SOX5: variants seen among roughly 807,000 people sequenced by gnomAD.
SOX5 encodes the protein SRY-box transcription factor 5.
Under a neutral mutation model 92.0 loss-of-function variants are expected in SOX5, and 9 were observed. The ratio of observed to expected loss-of-function variants is 0.10; its 90% confidence interval spans 0.06 to 0.17. The LOEUF is 0.17. Ranked by LOEUF, SOX5 falls within the 10% of genes least tolerant of loss-of-function variation. SOX5 has a pLI of 1.00. For synonymous variants in SOX5, 344 were observed against 336.3 expected (o/e 1.02, Z -0.25); for missense variants, 642 against 944.5 (o/e 0.68, Z 4.20).
intron 1 of SOX5, among the ~76,000 whole-genome samples, chr12:23,916,878 G>A (rs536828090): frequency 8.0e-4 from 122 of 151,970 alleles, no homozygotes; most frequent in African/African-American, 2.8e-3. Context: ...ATTTCTATCA[G>A]GGCTTTTTAA....
intron 4 of SOX5, among the ~76,000 whole-genome samples, chr12:24,110,878 GC>G (rs1158345231): frequency 3.0e-5 from 4 of 131,898 alleles, no homozygotes; most frequent in Non-Finnish European, 4.6e-5. Flanking sequence ...TCCAGCCTGG[GC>G]GACAGCGCGA....
intron 1 of SOX5, among the ~76,000 whole-genome samples, chr12:24,484,717 G>A (rs1016784602): frequency 1.3e-5 from 2 of 152,102 alleles, no homozygotes; most frequent in East Asian, 3.8e-4. Flanking sequence ...TGAGAAAATC[G>A]TGTCAAAAAC....
At chr12:23,695,118 C>CAAAA (rs11464821) in intron 6 of SOX5, among the ~76,000 whole-genome samples, 131 of 139,572 alleles carry the variant, frequency 9.4e-4, no homozygotes, top group African/African-American at 3.2e-3. Context: ...AACCTTGTCT[C>CAAAA]AAAAAAAAAA....
At chr12:23,665,131 G>A (rs1278524163) in intron 7 of SOX5, among the ~76,000 whole-genome samples, 1 of 152,108 alleles carries the variant, frequency 6.6e-6, no homozygotes, top group Non-Finnish European at 1.5e-5. Context: ...TGTTAAAAAG[G>A]TGGTAAAAAG....
intron 6 of SOX5, among the ~76,000 whole-genome samples, chr12:23,702,735 A>G (rs1379017300): frequency 6.6e-6 from 1 of 151,830 alleles, no homozygotes; most frequent in East Asian, 1.9e-4. Flanking sequence ...GAAATGAACC[A>G]AAAAGAGAAA....
chr12:24,032,896 T>A (rs1955653063), intron 4 of SOX5, among the ~76,000 whole-genome samples: 5 of 152,050 alleles, frequency 3.3e-5, no homozygotes, highest in South Asian at 4.1e-4. Context: ...TATAGCAGGT[T>A]ATATATTTCA....
At chr12:24,066,499 TAAC>T (rs996226516) in intron 4 of SOX5, among the ~76,000 whole-genome samples, 3 of 152,092 alleles carry the variant, frequency 2.0e-5, no homozygotes, top group Non-Finnish European at 2.9e-5. Context: ...CAGACAGAAA[TAAC>T]AATAAAAGAA....
At chr12:23,570,618 AT>A (rs1484558567) in intron 10 of SOX5, among the ~76,000 whole-genome samples, 1 of 151,818 alleles carries the variant, frequency 6.6e-6, no homozygotes, top group Non-Finnish European at 1.5e-5. Flanking sequence ...CTCTAAAAAA[AT>A]ACAAAAATTG....
In SOX5 at chr12:23,600,910, A is replaced by G. The variant is rs560574536; in HGVS notation, c.1164+3477T>C. On this transcript the variant is annotated intron_variant, in intron 9 of 14. Transcript: ENST00000451604. ...AGGCAGGTCAGGTGACCTTTCTCCA[A>G]TTCTCCTCTCTCTGGTGCTGAGGAC... 2.0e-5 allele frequency among the ~76,000 whole-genome samples: 3 copies of G among 152,062 alleles called. No individual in the cohort carries two copies. The South Asian group carries it at 6.3e-4, about 32-fold the overall frequency.
chr12:23,621,414 A>ACT, intron 8 of SOX5, among the ~76,000 whole-genome samples: 1 of 152,122 alleles, frequency 6.6e-6, no homozygotes, highest in Non-Finnish European at 1.5e-5. Context: ...GCTACACAGA[A>ACT]CTGTACACTT....
intron 9 of SOX5, among the ~76,000 whole-genome samples, chr12:23,582,586 A>C (rs936269005): frequency 5.3e-5 from 8 of 152,130 alleles, no homozygotes; most frequent in African/African-American, 1.9e-4. Flanking sequence ...TTTTAGACTT[A>C]CAAATTGCAA....
intron 4 of SOX5, among the ~76,000 whole-genome samples, chr12:23,976,719 G>A (rs79942688): frequency 0.024 from 3,702 of 152,062 alleles, 144 homozygotes; most frequent in African/African-American, 0.086. Flanking sequence ...CCTTTTATAT[G>A]CATGGAGTGT....
chr12:24,438,727 A>G (rs1939943091), intron 1 of SOX5, among the ~76,000 whole-genome samples: 1 of 152,242 alleles, frequency 6.6e-6, no homozygotes, highest in Non-Finnish European at 1.5e-5. Flanking sequence ...TAGAATTAGA[A>G]GGGGAGCCTG....
intron 2 of SOX5, among the ~76,000 whole-genome samples, chr12:24,360,803 A>G (rs1595914562): frequency 1.3e-5 from 2 of 152,340 alleles, no homozygotes; most frequent in East Asian, 3.9e-4. Flanking sequence ...AACTTGTTAA[A>G]TCACTAATAA....
intron 4 of SOX5, among the ~76,000 whole-genome samples, chr12:23,962,216 C>T (rs966592292): frequency 7.4e-6 from 1 of 134,606 alleles, no homozygotes. Flanking sequence ...AAGAGTTAAA[C>T]AAACAACAAA....
At chr12:23,939,071 C>T (rs758360768) in intron 1 of SOX5, among the ~76,000 whole-genome samples, 3 of 150,896 alleles carry the variant, frequency 2.0e-5, no homozygotes, top group Non-Finnish European at 4.5e-5. Context: ...TAAGCTGGCT[C>T]ATTTGCATTG....
intron 7 of SOX5, among the ~76,000 whole-genome samples, chr12:23,642,137 A>T (rs2080153016): frequency 6.6e-6 from 1 of 152,142 alleles, no homozygotes; most frequent in Admixed American, 6.6e-5. Flanking sequence ...GATTTGTTAT[A>T]AATGAATATT....
At chr12:24,045,813 T>G (rs1274707156) in intron 4 of SOX5, among the ~76,000 whole-genome samples, 2 of 152,220 alleles carry the variant, frequency 1.3e-5, no homozygotes, top group African/African-American at 4.8e-5. Flanking sequence ...CAGTGTAGGA[T>G]TCCCTCCTTG....
chr12:24,432,451 GAAT>G (rs1938541408), intron 1 of SOX5, among the ~76,000 whole-genome samples: 1 of 152,104 alleles, frequency 6.6e-6, no homozygotes, highest in Non-Finnish European at 1.5e-5. Flanking sequence ...ATAGTATCCT[GAAT>G]AATAGGATAC....
Sources: gnomAD v4.1 joint callset for allele counts (sites outside exome capture counted in the v4.1 genomes callset) on GRCh38, gnomAD v4.1.1 for gene constraint, MANE v1.5 for transcripts, NCBI Gene and HGNC (gene_info 2026-07-23, HGNC 2026-07-21) for gene names.